The following CSMD2 variants were observed in gnomAD, a reference collection of about 807,000 sequenced individuals.
CSMD2 encodes the protein CUB and sushi domain-containing protein 2.
CSMD2 carries 130 observed loss-of-function variants against 398.5 expected under a neutral mutation model. That is an observed-to-expected ratio of 0.33 (90% CI 0.28 to 0.38). The LOEUF (loss-of-function observed/expected upper bound fraction) is 0.38, where lower values mean the gene tolerates loss of function less well. Ranked by LOEUF, CSMD2 falls within the 10% of genes least tolerant of loss-of-function variation. The probability of loss-of-function intolerance (pLI) is 1.00; values close to 1 mark genes in which losing one functional copy is unlikely to be tolerated. For missense variants in CSMD2, 3,829 were observed against 4,764.9 expected, an observed-to-expected ratio of 0.80 and a Z score of 5.78; for synonymous variants, 1,828 against 1,908.5, an observed-to-expected ratio of 0.96 and a Z score of 1.10.
At chr1:33,577,850 G>T (rs1248561902) in intron 48 of CSMD2, among the ~76,000 whole-genome samples, 1 of 152,114 alleles carries the variant, frequency 6.6e-6, no homozygotes, top group Non-Finnish European at 1.5e-5. Context: ...AGAAAGCTGC[G>T]ACTGCGGGGG....
At chr1:33,842,994 C>A (rs553483234) in intron 6 of CSMD2, among the ~76,000 whole-genome samples, 2 of 152,288 alleles carry the variant, frequency 1.3e-5, no homozygotes, top group African/African-American at 4.8e-5. Context: ...TAAGTCACTG[C>A]CTCTTTTTTG....
chr1:33,912,500 T>C (rs1182048653), intron 5 of CSMD2, among the ~76,000 whole-genome samples: 1 of 151,742 alleles, frequency 6.6e-6, no homozygotes, highest in Non-Finnish European at 1.5e-5. Context: ...AGACTCTGTC[T>C]GCCTTCCCTG....
intron 44 of CSMD2, among the ~76,000 whole-genome samples, chr1:33,596,129 C>T (rs1420019828): frequency 6.6e-6 from 1 of 152,200 alleles, no homozygotes; most frequent in Non-Finnish European, 1.5e-5. Context: ...GACGTATTAA[C>T]GTATTCGATC....
At chr1:33,898,230 G>A (rs1053927807) in intron 5 of CSMD2, among the ~76,000 whole-genome samples, 1 of 152,154 alleles carries the variant, frequency 6.6e-6, no homozygotes, top group Non-Finnish European at 1.5e-5. Flanking sequence ...TCTGAGTTGC[G>A]GTTCTTGTTG....
chr1:34,158,373 A>G (rs1641000638), intron 1 of CSMD2, among the ~76,000 whole-genome samples: 1 of 152,186 alleles, frequency 6.6e-6, no homozygotes, highest in African/African-American at 2.4e-5. Flanking sequence ...ACTGCAGCAG[A>G]TGGAGAGGAG....
chr1:33,788,041 T>C (rs1305435479), intron 12 of CSMD2, among the ~76,000 whole-genome samples: 1 of 152,076 alleles, frequency 6.6e-6, no homozygotes, highest in Non-Finnish European at 1.5e-5. Flanking sequence ...GAACCAGGTA[T>C]GAATTGGGGA....
At chr1:33,798,803 C>T (rs1476149853) in intron 10 of CSMD2, among the ~76,000 whole-genome samples, 1 of 152,182 alleles carries the variant, frequency 6.6e-6, no homozygotes, top group Non-Finnish European at 1.5e-5. Flanking sequence ...CCCTGGAGGA[C>T]ACCCACTGGA....
intron 24 of CSMD2, among the ~76,000 whole-genome samples, chr1:33,696,948 C>T (rs1319074180): frequency 1.3e-5 from 2 of 152,156 alleles, no homozygotes; most frequent in Non-Finnish European, 2.9e-5. Flanking sequence ...ATGAAGTCGA[C>T]CACAACATGA....
At chr1:33,834,055 C>T (rs1036178540) in intron 6 of CSMD2, among the ~76,000 whole-genome samples, 7 of 135,756 alleles carry the variant, frequency 5.2e-5, no homozygotes, top group Admixed American at 7.6e-5. Flanking sequence ...GAATCAATAT[C>T]GTGAAAATGG....
intron 5 of CSMD2, among the ~76,000 whole-genome samples, chr1:33,897,383 C>CA (rs1241364291): frequency 5.9e-5 from 9 of 152,216 alleles, no homozygotes; most frequent in Non-Finnish European, 1.2e-4. Context: ...TGCTGGGACT[C>CA]AATTTCCTCA....
At chr1:34,122,712 A>AT (rs531165949) in intron 1 of CSMD2, among the ~76,000 whole-genome samples, 29 of 152,224 alleles carry the variant, frequency 1.9e-4, no homozygotes, top group Non-Finnish European at 3.4e-4. Flanking sequence ...TGTGCTCAGG[A>AT]TTCAAGTTCT....
In CSMD2 at chr1:33,688,549, GCA is replaced by G. The variant is rs542672913; in HGVS notation, c.4052+4379_4052+4380del. On this transcript the variant is annotated intron_variant, in intron 25 of 70. Transcript: ENST00000373381. ...TTTAAAAAAATGATTATCTGGCTGG[GCA>G]CAGTGGCTCACACCTGTAATCCCAG... is the stretch of plus-strand genomic sequence containing the variant. 8.7e-4 allele frequency among the ~76,000 whole-genome samples: 133 copies of G among 152,314 alleles called. 1 individual carries two copies. The highest frequency in any genetic ancestry group is 3.2e-3 in the African/African-American group (131 of 41,572).
intron 3 of CSMD2, among the ~76,000 whole-genome samples, chr1:33,992,228 C>T (rs959907444): frequency 9.9e-5 from 15 of 152,090 alleles, no homozygotes; most frequent in Non-Finnish European, 1.9e-4. Flanking sequence ...GACAGACATT[C>T]GTATATAAGC....
At chr1:33,909,931 T>C (rs942325028) in intron 5 of CSMD2, among the ~76,000 whole-genome samples, 15 of 152,126 alleles carry the variant, frequency 9.9e-5, no homozygotes, top group Admixed American at 1.3e-4. Context: ...GGCATTGCCA[T>C]TCCCCACTCC....
chr1:33,761,671 T>G (rs1649832701), intron 13 of CSMD2, among the ~76,000 whole-genome samples: 1 of 152,192 alleles, frequency 6.6e-6, no homozygotes, highest in South Asian at 2.1e-4. Flanking sequence ...CCATCATGCA[T>G]TCTAAGCCTG....
chr1:33,970,239 G>T (rs1298293465), intron 3 of CSMD2, among the ~76,000 whole-genome samples: 2 of 152,190 alleles, frequency 1.3e-5, no homozygotes, highest in African/African-American at 4.8e-5. Flanking sequence ...GTATGCTTCA[G>T]ATGGTGAAGA....
intron 22 of CSMD2, among the ~76,000 whole-genome samples, chr1:33,702,335 T>C (rs1252648258): frequency 6.6e-6 from 1 of 152,230 alleles, no homozygotes; most frequent in Non-Finnish European, 1.5e-5. Context: ...TATGATGCTA[T>C]TAAGAAATTA....
At chr1:34,073,225 T>G (rs775268277) in intron 2 of CSMD2, among the ~76,000 whole-genome samples, 2 of 152,254 alleles carry the variant, frequency 1.3e-5, no homozygotes, top group African/African-American at 2.4e-5. Context: ...GATGGCAAAT[T>G]TGCCAGCATT....
chr1:33,777,165 T>G (rs911917990), intron 12 of CSMD2, among the ~76,000 whole-genome samples: 11 of 152,214 alleles, frequency 7.2e-5, no homozygotes, highest in South Asian at 6.2e-4. Context: ...TGTGGGGAAG[T>G]GAGCTGCTAG....
Sources: gnomAD v4.1 joint callset for allele counts (sites outside exome capture counted in the v4.1 genomes callset) on GRCh38, gnomAD v4.1.1 for gene constraint, MANE v1.5 for transcripts, NCBI Gene and HGNC (gene_info 2026-07-23, HGNC 2026-07-21) for gene names.